The following RNLS variants were observed in gnomAD, a reference collection of about 807,000 sequenced individuals.
RNLS encodes renalase, FAD dependent amine oxidase.
A neutral mutation model predicts 39.8 loss-of-function variants in RNLS; 39 were observed. The ratio of observed to expected loss-of-function variants is 0.98; its 90% CI spans 0.76 to 1.28. The LOEUF is 1.28. RNLS is among the 50% of genes most tolerant of loss of function. The pLI is 0.00. For synonymous variants in RNLS, 147 were observed against 150.7 expected (o/e 0.98, Z 0.18); for missense variants, 410 against 413.3 (o/e 0.99, Z 0.07).
At chr10:88,388,151 C>T (rs1400702529) in intron 4 of RNLS, among the ~76,000 whole-genome samples, 1 of 152,170 alleles carries the variant, frequency 6.6e-6, no homozygotes, top group East Asian at 1.9e-4. Flanking sequence ...CACCCAGTTG[C>T]TCAAGCTAAG....
At chr10:88,300,951 A>G (rs915614460) in intron 6 of RNLS, among the ~76,000 whole-genome samples, 4 of 152,204 alleles carry the variant, frequency 2.6e-5, no homozygotes, top group African/African-American at 7.2e-5. Flanking sequence ...TGCCTATGTA[A>G]TAACATCCAC....
chr10:88,460,593 A>C (rs1187565210), intron 4 of RNLS, among the ~76,000 whole-genome samples: 2 of 152,146 alleles, frequency 1.3e-5, no homozygotes, highest in Non-Finnish European at 2.9e-5. Context: ...CCTCCGTGAA[A>C]GACAAGAGCA....
At chr10:88,531,980 C>G (rs576589941) in intron 4 of RNLS, among the ~76,000 whole-genome samples, 1 of 152,010 alleles carries the variant, frequency 6.6e-6, no homozygotes, top group Admixed American at 6.6e-5. Context: ...CCTAATCTTG[C>G]TTGCTTCCTC....
chr10:88,362,350 G>A, intron 5 of RNLS, among the ~76,000 whole-genome samples: 1 of 152,106 alleles, frequency 6.6e-6, no homozygotes, highest in East Asian at 1.9e-4. Context: ...TATAAACCAT[G>A]TGGTGAATGA....
At chr10:88,563,741 G>T (rs1171111487) in intron 4 of RNLS, among the ~76,000 whole-genome samples, 1 of 151,988 alleles carries the variant, frequency 6.6e-6, no homozygotes, top group Non-Finnish European at 1.5e-5. Flanking sequence ...AGTATCCCTG[G>T]AAAGTTAGAA....
At chr10:88,467,401 A>G (rs1260236115) in intron 4 of RNLS, among the ~76,000 whole-genome samples, 1 of 152,108 alleles carries the variant, frequency 6.6e-6, no homozygotes, top group Non-Finnish European at 1.5e-5. Context: ...TTAGGGGAGA[A>G]AGCACAAACA....
rs575351058 is a variant in RNLS at position 88,550,181 on chromosome 10, T to C, written c.526+22722A>G. Reference sequence around the variant, plus strand: ...TTACCAGAAATAAAGATTATTTATGTTTATAAAACTTCAAAGAATCATTCT... The same window carrying C: ...TTACCAGAAATAAAGATTATTTATGCTTATAAAACTTCAAAGAATCATTCT... On this transcript the variant is annotated intron_variant, in intron 4 of 6. Transcript: ENST00000331772. Among the ~76,000 whole-genome samples, 164 of 152,352 alleles carry C rather than the reference T, an allele frequency of 1.1e-3. 4 individuals are homozygous for C. The South Asian group carries it at 0.03, about 28-fold the overall frequency.
chr10:88,462,187 T>C (rs931766370), intron 4 of RNLS, among the ~76,000 whole-genome samples: 24 of 152,024 alleles, frequency 1.6e-4, no homozygotes, highest in African/African-American at 5.1e-4. Flanking sequence ...ATAGACTATA[T>C]TAGATATACA....
the RNLS span, among the ~76,000 whole-genome samples, chr10:88,195,352 G>A: frequency 6.6e-6 from 1 of 152,170 alleles, no homozygotes; most frequent in Non-Finnish European, 1.5e-5. Context: ...TGCAACTAAA[G>A]CCACTAAAGC....
At chr10:88,195,284 G>T in the RNLS span, among the ~76,000 whole-genome samples, 1 of 152,128 alleles carries the variant, frequency 6.6e-6, no homozygotes, top group Non-Finnish European at 1.5e-5. Flanking sequence ...ATCTGATTTG[G>T]GTCTGTCTTT....
chr10:88,246,592 A>G, the RNLS span, among the ~76,000 whole-genome samples: 3 of 151,906 alleles, frequency 2.0e-5, no homozygotes, highest in Non-Finnish European at 4.4e-5. Flanking sequence ...AGGTAATATA[A>G]CAGATTTATC....
intron 5 of RNLS, among the ~76,000 whole-genome samples, chr10:88,321,715 T>A (rs1351929298): frequency 6.6e-6 from 1 of 151,352 alleles, no homozygotes; most frequent in African/African-American, 2.4e-5. Flanking sequence ...GATAAATTCC[T>A]GGAAACACAC....
intron 4 of RNLS, among the ~76,000 whole-genome samples, chr10:88,535,768 T>C (rs1847720859): frequency 6.6e-6 from 1 of 152,088 alleles, no homozygotes; most frequent in Non-Finnish European, 1.5e-5. Context: ...GTTGAGAAAC[T>C]ATCTCAGTAA....
intron 4 of RNLS, among the ~76,000 whole-genome samples, chr10:88,400,462 C>T (rs1263619411): frequency 1.3e-5 from 2 of 152,036 alleles, no homozygotes; most frequent in Non-Finnish European, 2.9e-5. Context: ...CTTTGTCACA[C>T]TTCCAATCTT....
intron 6 of RNLS, among the ~76,000 whole-genome samples, chr10:88,300,328 G>C (rs1057251465): frequency 6.6e-6 from 1 of 152,190 alleles, no homozygotes; most frequent in African/African-American, 2.4e-5. Flanking sequence ...CTAATAAAAT[G>C]CTGATGTGAA....
downstream of RNLS, among the ~76,000 whole-genome samples, chr10:88,269,282 C>G (rs1842584439): frequency 6.6e-6 from 1 of 152,172 alleles, no homozygotes; most frequent in South Asian, 2.1e-4. Context: ...TGAACTGATA[C>G]TTCTCTGAAT....
intron 4 of RNLS, among the ~76,000 whole-genome samples, chr10:88,483,005 G>A (rs1310966097): frequency 2.0e-5 from 3 of 151,654 alleles, no homozygotes; most frequent in Non-Finnish European, 4.4e-5. Context: ...TGTAGAGACA[G>A]GGTCTTGCTA....
At chr10:88,325,734 GTCTC>G (rs1210672408) in intron 5 of RNLS, among the ~76,000 whole-genome samples, 1 of 152,082 alleles carries the variant, frequency 6.6e-6, no homozygotes, top group African/African-American at 2.4e-5. Context: ...AATTGTGTTG[GTCTC>G]TCTATGATTG....
chr10:88,424,222 G>C (rs1453635858), intron 4 of RNLS, among the ~76,000 whole-genome samples: 1 of 152,184 alleles, frequency 6.6e-6, no homozygotes, highest in Non-Finnish European at 1.5e-5. Flanking sequence ...CATACCAGGT[G>C]CATCTATATA....
Sources: gnomAD v4.1 joint callset for allele counts (sites outside exome capture counted in the v4.1 genomes callset) on GRCh38, gnomAD v4.1.1 for gene constraint, MANE v1.5 for transcripts, NCBI Gene and HGNC (gene_info 2026-07-23, HGNC 2026-07-21) for gene names.